Variants in TNRC18 observed in about 807,000 individuals in gnomAD.
TNRC18 encodes the protein trinucleotide repeat containing 18.
In TNRC18, 69 loss-of-function variants were observed where a neutral mutation model predicts 226.7. The observed-to-expected ratio is 0.30, with a 90% CI of 0.25 to 0.37. The LOEUF is 0.37. TNRC18 is among the 10% of genes least tolerant of loss of function. The pLI is 1.00. For missense variants in TNRC18, 4,754 were observed against 4,256.6 expected, an observed-to-expected ratio of 1.12 and a Z score of -3.25; for synonymous variants, 2,449 against 1,927.6, an observed-to-expected ratio of 1.27 and a Z score of -7.09.
At position 5,389,138 on chromosome 7, in the gene TNRC18, C is replaced by T; in HGVS notation, c.686G>A (p.Gly229Asp). The T allele has an allele frequency of 1.5e-6, 2 of 1,320,580 alleles. No individual in the cohort carries two copies. The highest frequency in any genetic ancestry group is 2.8e-4 in the Middle Eastern group (1 of 3,620). 81.8% of individuals were successfully genotyped at this position (1,320,580 alleles called of 1,614,324 possible). A position where few individuals can be genotyped will look rare whatever the true frequency, so the allele number is the denominator to read the frequency against. ...GCCCCGTGGCCCCGAGGCCTCCTCG[C>T]CCCGGGCGCGCGGGTCCTTCTTGCC... ...LFGKKDPRAR[G>D]EEASGPRGVV... The change falls in exon 5 of 30, where the codon GGC (glycine) becomes GAC (aspartate). Residue 229 changes from glycine (G) to aspartate (D), a missense_variant. Transcript: ENST00000430969.
At chr7:5,326,724 T>A (rs1788947069) in intron 19 of TNRC18, among the ~76,000 whole-genome samples, 2 of 151,600 alleles carry the variant, frequency 1.3e-5, no homozygotes, top group Middle Eastern at 3.4e-3. Flanking sequence ...GAATCATCAC[T>A]TGCACCCGGT....
chr7:5,389,260 G>C lies in TNRC18; in HGVS notation c.564C>G (p.Gly188=), dbSNP rs1467761729. Residue 188 remains glycine (G), a synonymous_variant, in exon 5 of 30, where the codon GGC becomes GGG. Coordinates refer to ENST00000430969, the MANE Select transcript of TNRC18 (RefSeq NM_001080495.3). The part of the protein sequence containing the change: ...SHAPSARTPG[G]GHSSGAPAKG... ...TGGCCGGGGCGCCCGAGGAGTGGCC[G>C]CCGCCAGGGGTCCGGGCCGAGGGCG... is the stretch of plus-strand genomic sequence containing the variant. 1.5e-6 allele frequency: 2 copies of C among 1,309,844 alleles called. No homozygotes were observed. Among genetic ancestry groups the C allele is most frequent in the East Asian group, 6.2e-5 (2 of 32,128 alleles). 81.1% of individuals were successfully genotyped at this position (1,309,844 alleles called of 1,614,324 possible).
intron 2 of TNRC18, among the ~76,000 whole-genome samples, chr7:5,402,936 A>G (rs916725167): frequency 6.6e-6 from 1 of 151,938 alleles, no homozygotes; most frequent in African/African-American, 2.4e-5. Flanking sequence ...CCTTCCCTGC[A>G]GCATTCTCTG....
chr7:5,406,445 G>C (rs187205294), intron 2 of TNRC18, among the ~76,000 whole-genome samples: 1 of 152,116 alleles, frequency 6.6e-6, no homozygotes, highest in African/African-American at 2.4e-5. Flanking sequence ...CTGGGTAATA[G>C]AGCGAGACTC....
intron 27 of TNRC18, among the ~76,000 whole-genome samples, chr7:5,310,438 G>A (rs1376229112): frequency 6.6e-6 from 1 of 152,116 alleles, no homozygotes; most frequent in Non-Finnish European, 1.5e-5. Flanking sequence ...GTTTCACCAT[G>A]TTGGCAGGGT....
chr7:5,377,319 C>G lies in TNRC18; in HGVS notation c.2461+52G>C, dbSNP rs894272869. The G allele has an allele frequency of 9.8e-7, 1 of 1,016,388 alleles. No homozygotes were observed. The highest frequency in any genetic ancestry group is 1.4e-6 in the Non-Finnish European group (1 of 694,396). 63.0% of individuals were successfully genotyped at this position (1,016,388 alleles called of 1,614,324 possible). A position where few individuals can be genotyped will look rare whatever the true frequency, so the allele number is the denominator to read the frequency against. On this transcript the variant is annotated intron_variant, in intron 7 of 29. Coordinates refer to ENST00000430969, the MANE Select transcript of TNRC18 (RefSeq NM_001080495.3). The surrounding 1 kb of genome is among the most constrained non-coding windows in gnomAD (Gnocchi z 5.8). ...CCTGAGCTCTTGTCCTGCACCCGCC[C>G]CCTCCCACCCCTCCCTCAGAGAAGG...
intron 16 of TNRC18, 30 bp downstream of exon 16, chr7:5,356,886 A>C: frequency 6.7e-7 from 1 of 1,499,602 alleles, no homozygotes; most frequent in Non-Finnish European, 8.9e-7. Flanking sequence ...GAAGCAGCGG[A>C]CCAGAGGTGG....
chr7:5,308,174 G>T lies in TNRC18; in HGVS notation c.8839C>A (p.Leu2947Ile). The change falls in exon 30 of 30, where the codon CTC becomes ATC. Residue 2947 changes from leucine to isoleucine, a missense_variant. Leu to Ile is a conservative substitution (Grantham distance 5). Coordinates refer to ENST00000430969, the MANE Select transcript of TNRC18 (RefSeq NM_001080495.3). ...KYQDSEGLYYLAGTYEPTTGM... is the reference protein window; with the variant it reads ...KYQDSEGLYYIAGTYEPTTGM... ...GTGGTGGGCTCGTAGGTGCCCGCGA[G>T]GTAGTACAGGCCCTCGCTGTCCTGG... is the stretch of plus-strand genomic sequence containing the variant. 1 of 1,595,854 alleles carries T rather than the reference G, an allele frequency of 6.3e-7. No individual in the cohort carries two copies. The highest frequency in any genetic ancestry group is 1.1e-5 in the South Asian group (1 of 88,248).
chr7:5,352,549 CCCTCCCAGCAG>C (rs1287093484), intron 16 of TNRC18, among the ~76,000 whole-genome samples: 2 of 152,250 alleles, frequency 1.3e-5, no homozygotes, highest in Non-Finnish European at 2.9e-5. Flanking sequence ...TTCCCAGTGC[CCCTCCCAGCAG>C]CCTCCCAGTG....
chr7:5,358,001 CT>C (rs759434639), intron 15 of TNRC18, among the ~76,000 whole-genome samples: 51 of 152,286 alleles, frequency 3.3e-4, no homozygotes, highest in Non-Finnish European at 5.4e-4. Flanking sequence ...CCAAGTGCTG[CT>C]GCCGATGGCC....
rs189137369 is a variant in TNRC18 at position 5,336,013 on chromosome 7, C to T, written c.5720-2964G>A. 9.2e-5 allele frequency among the ~76,000 whole-genome samples: 14 copies of T among 151,978 alleles called. No homozygotes were observed. The East Asian group carries it at 1.7e-3, about 19-fold the overall frequency. ...CTTGAGGTGAGGAGTTTGAGACCAG[C>T]CTGGCCAACATGGCAAAACCCCATC... is the stretch of plus-strand genomic sequence containing the variant. On this transcript the variant is annotated intron_variant, in intron 18 of 29. Transcript: ENST00000430969.
At chr7:5,387,324 G>A (rs1779867368) in intron 5 of TNRC18, among the ~76,000 whole-genome samples, 1 of 152,200 alleles carries the variant, frequency 6.6e-6, no homozygotes, top group Admixed American at 6.5e-5. Context: ...GTAAGGCACA[G>A]TTAGGTCCCT....
chr7:5,419,609 A>C (rs997280185), intron 2 of TNRC18, among the ~76,000 whole-genome samples: 1 of 151,716 alleles, frequency 6.6e-6, no homozygotes, highest in African/African-American at 2.4e-5. Context: ...ACTAGAGAAC[A>C]AACCCTTGCC....
rs944133101 is a variant in TNRC18, at chr7:5,372,230, G to A, written c.3230-866C>T. Among the ~76,000 whole-genome samples the A allele has an allele frequency of 4.0e-5, 6 of 150,724 alleles. No individual in the cohort carries two copies. In the South Asian group the frequency reaches 1.0e-3, roughly 26 times the overall value. ...CGACAGGCGCCCGCCACCATGCCTG[G>A]CTAATTTTTTTTTTTTTTTTGTATT... On this transcript the variant is annotated intron_variant, in intron 10 of 29. Transcript: ENST00000430969.
rs190154051 is a variant in TNRC18, at chr7:5,315,249, C to T, written c.6863-101G>A. On this transcript the variant is annotated intron_variant, in intron 25 of 29. Coordinates refer to ENST00000430969, the MANE Select transcript of TNRC18 (RefSeq NM_001080495.3). The stretch of plus-strand genomic sequence containing the variant: ...CGGGGATCAGGGATGGGGGCGGAAG[C>T]AACCGACACCAGGTGGCTGACCCCG... The T allele has an allele frequency of 1.7e-4, 223 of 1,297,038 alleles. No homozygotes were observed. The African/African-American group carries it at 2.9e-3, about 17-fold the overall frequency. 80.3% of individuals were successfully genotyped at this position (1,297,038 alleles called of 1,614,324 possible). A position where few individuals can be genotyped will look rare whatever the true frequency, so the allele number is the denominator to read the frequency against.
chr7:5,355,835 C>T (rs1329872954), intron 16 of TNRC18, among the ~76,000 whole-genome samples: 2 of 151,848 alleles, frequency 1.3e-5, no homozygotes, highest in African/African-American at 4.8e-5. Context: ...TTATGATGGC[C>T]CCACTGCACT....
At position 5,377,803 on chromosome 7, in the gene TNRC18, C is replaced by A; in HGVS notation, c.2255+119G>T. On this transcript the variant is annotated intron_variant, in intron 6 of 29. Transcript: ENST00000430969. The surrounding 1 kb of genome is among the most constrained non-coding windows in gnomAD (Gnocchi z 5.8). ...GCTGAGGACCAGAGTGACTCCCGCTCTCAGTACCATAGCATCCATGGTCGA... is the reference window on the plus strand; with the variant it reads ...GCTGAGGACCAGAGTGACTCCCGCTATCAGTACCATAGCATCCATGGTCGA... 1 of 1,088,236 alleles carries A rather than the reference C, an allele frequency of 9.2e-7. No homozygotes were observed. Among genetic ancestry groups the A allele is most frequent in the South Asian group, 1.5e-5 (1 of 67,542 alleles). 67.4% of individuals were successfully genotyped at this position (1,088,236 alleles called of 1,614,324 possible). A position where few individuals can be genotyped will look rare whatever the true frequency, so the allele number is the denominator to read the frequency against.
At chr7:5,362,124 G>T (rs967962032) in intron 12 of TNRC18, 91 bp from the exon 13 acceptor site, 1 of 1,492,594 alleles carries the variant, frequency 6.7e-7, no homozygotes, top group Non-Finnish European at 9.1e-7. Flanking sequence ...TGAGGAAGGG[G>T]AGACTGCACT....
At position 5,421,275 on chromosome 7, in the gene TNRC18, C is replaced by T; in HGVS notation, c.-29G>A. On this transcript the variant is annotated 5_prime_UTR_variant, in exon 2 of 30. Coordinates refer to ENST00000430969, the MANE Select transcript of TNRC18 (RefSeq NM_001080495.3). ...CCGCGGGAGTGCCGCGATCAGCCCC[C>T]CACCCGGCCCGCAGGCCTAGCTCAG... is the stretch of plus-strand genomic sequence containing the variant. The T allele has an allele frequency of 7.9e-7, 1 of 1,273,414 alleles. No individual in the cohort carries two copies. The allele number at this position is 1,273,414 out of a possible 1,614,324, so 78.9% of individuals were successfully genotyped here.
Sources: gnomAD v4.1 joint callset for allele counts (sites outside exome capture counted in the v4.1 genomes callset) on GRCh38, gnomAD v4.1.1 for gene constraint, Gnocchi (gnomAD v3.1) non-coding constraint, MANE v1.5 for transcripts, NCBI Gene and HGNC (gene_info 2026-07-23, HGNC 2026-07-21) for gene names.